NKAIN2: variants seen among roughly 807,000 people sequenced by gnomAD.
NKAIN2 encodes sodium/potassium-transporting ATPase subunit beta-1-interacting protein 2.
A neutral mutation model predicts 32.6 loss-of-function variants in NKAIN2; 14 were observed. That is an observed-to-expected ratio of 0.43 (90% CI 0.28 to 0.67). The LOEUF (loss-of-function observed/expected upper bound fraction) is 0.67. NKAIN2 is among the 30% of genes least tolerant of loss of function. The pLI, the probability that NKAIN2 is intolerant of heterozygous loss-of-function variation, is 0.17. For synonymous variants in NKAIN2, 80 were observed against 87.2 expected, an observed-to-expected ratio of 0.92 and a Z score of 0.46; for missense variants, 198 against 258.3, an observed-to-expected ratio of 0.77 and a Z score of 1.60.
At chr6:124,278,187 T>C (rs1795128123) in intron 1 of NKAIN2, among the ~76,000 whole-genome samples, 1 of 152,136 alleles carries the variant, frequency 6.6e-6, no homozygotes, top group African/African-American at 2.4e-5. Context: ...TAAAGTTGAA[T>C]AGCAATAGAT....
chr6:123,971,866 CT>C (rs1394581005), intron 1 of NKAIN2, among the ~76,000 whole-genome samples: 1 of 152,050 alleles, frequency 6.6e-6, no homozygotes, highest in East Asian at 1.9e-4. Flanking sequence ...TTAAAAAAGG[CT>C]TTTAAAGTTT....
At chr6:124,625,259 A>G (rs1783271638) in intron 3 of NKAIN2, among the ~76,000 whole-genome samples, 1 of 152,158 alleles carries the variant, frequency 6.6e-6, no homozygotes, top group South Asian at 2.1e-4. Flanking sequence ...TTTCTCTACA[A>G]AAAAAACAAA....
chr6:124,354,901 C>T lies in NKAIN2; in HGVS notation c.193-366C>T, dbSNP rs148064148. Among the ~76,000 whole-genome samples the T allele has an allele frequency of 6.8e-3, 1,011 of 148,932 alleles. 6 individuals are homozygous for T. Among genetic ancestry groups the T allele is most frequent in the Non-Finnish European group, 0.011 (770 of 67,420 alleles). On this transcript the variant is annotated intron_variant, in intron 2 of 6. Transcript: ENST00000368417. Reference sequence around the variant, plus strand: ...TCTGGCCAACATGACAAAACCCCATCCCTACTAAAAATACAAAAACTAGCT... The same window carrying T: ...TCTGGCCAACATGACAAAACCCCATTCCTACTAAAAATACAAAAACTAGCT...
intron 4 of NKAIN2, among the ~76,000 whole-genome samples, chr6:124,789,765 G>C (rs1779661487): frequency 6.6e-6 from 1 of 151,924 alleles, no homozygotes; most frequent in South Asian, 2.1e-4. Flanking sequence ...ATAAAGAAGT[G>C]GTTCTTACTA....
chr6:123,818,476 A>G (rs1055986812), intron 1 of NKAIN2, among the ~76,000 whole-genome samples: 1 of 152,042 alleles, frequency 6.6e-6, no homozygotes, highest in African/African-American at 2.4e-5. Context: ...CCCAAACCCA[A>G]GAAGGTTCTG....
At chr6:123,997,360 A>T (rs1299680798) in intron 1 of NKAIN2, among the ~76,000 whole-genome samples, 1 of 152,130 alleles carries the variant, frequency 6.6e-6, no homozygotes, top group Non-Finnish European at 1.5e-5. Context: ...ACCATGTGGT[A>T]GGAATCCAGA....
intron 3 of NKAIN2, among the ~76,000 whole-genome samples, chr6:124,431,849 A>C (rs966177804): frequency 2.9e-4 from 44 of 152,160 alleles, no homozygotes; most frequent in African/African-American, 9.9e-4. Flanking sequence ...TTATGTAAAG[A>C]GATATTTCCA....
chr6:124,274,760 C>T (rs1794948286), intron 1 of NKAIN2, among the ~76,000 whole-genome samples: 1 of 151,740 alleles, frequency 6.6e-6, no homozygotes, highest in East Asian at 1.9e-4. Flanking sequence ...TAATTATTAT[C>T]ACAGAATGCG....
At chr6:124,189,426 T>C (rs1017156852) in intron 1 of NKAIN2, among the ~76,000 whole-genome samples, 2 of 151,982 alleles carry the variant, frequency 1.3e-5, no homozygotes, top group Non-Finnish European at 2.9e-5. Flanking sequence ...GCAAGCCAGG[T>C]GCGGTGACTC....
At chr6:124,229,264 ATGGCTG>A (rs1267638646) in intron 1 of NKAIN2, among the ~76,000 whole-genome samples, 9 of 152,284 alleles carry the variant, frequency 5.9e-5, no homozygotes, top group Non-Finnish European at 1.0e-4. Flanking sequence ...GATGAATTTA[ATGGCTG>A]TGGCAGGTAG....
chr6:124,356,916 A>G (rs1273160441), intron 3 of NKAIN2, among the ~76,000 whole-genome samples: 1 of 152,200 alleles, frequency 6.6e-6, no homozygotes, highest in Non-Finnish European at 1.5e-5. Context: ...GATCCAGCAG[A>G]TCAGATAATT....
chr6:124,749,033 A>G (rs1777588390), intron 4 of NKAIN2, among the ~76,000 whole-genome samples: 1 of 151,870 alleles, frequency 6.6e-6, no homozygotes, highest in Admixed American at 6.6e-5. Context: ...TCTTTTCCAG[A>G]GGTTCTAGGA....
At chr6:124,141,795 C>T (rs922508536) in intron 1 of NKAIN2, among the ~76,000 whole-genome samples, 1 of 152,022 alleles carries the variant, frequency 6.6e-6, no homozygotes, top group African/African-American at 2.4e-5. Flanking sequence ...CACTCCAGTC[C>T]CCAATTTCAG....
At chr6:124,383,234 G>C (rs1184154759) in intron 3 of NKAIN2, among the ~76,000 whole-genome samples, 1 of 152,046 alleles carries the variant, frequency 6.6e-6, no homozygotes, top group Non-Finnish European at 1.5e-5. Flanking sequence ...ACAGTTGCTG[G>C]CTGACATCAA....
intron 1 of NKAIN2, among the ~76,000 whole-genome samples, chr6:123,943,608 A>G (rs1776923952): frequency 1.3e-5 from 2 of 152,034 alleles, no homozygotes; most frequent in African/African-American, 4.8e-5. Context: ...GTTGTTGGAA[A>G]GATTTTAGGA....
chr6:124,254,801 A>G (rs1407537786), intron 1 of NKAIN2, among the ~76,000 whole-genome samples: 1 of 152,216 alleles, frequency 6.6e-6, no homozygotes, highest in African/African-American at 2.4e-5. Flanking sequence ...TGCTTTAACA[A>G]CAGCAACAAA....
rs188027639 is a variant in NKAIN2, at chr6:124,321,551, A to T, written c.193-33716A>T. On this transcript the variant is annotated intron_variant, in intron 2 of 6. Transcript: ENST00000368417. The stretch of plus-strand genomic sequence containing the variant: ...GTGGCTAATGGAAGGAACCTCTTTT[A>T]TATTCCTAGTATCATAATTTTACAT... 2.8e-4 allele frequency among the ~76,000 whole-genome samples: 43 copies of T among 152,306 alleles called. No individual in the cohort carries two copies. The East Asian group carries it at 6.7e-3, about 24-fold the overall frequency.
At chr6:123,920,461 CA>C (rs1775700084) in intron 1 of NKAIN2, among the ~76,000 whole-genome samples, 1 of 151,676 alleles carries the variant, frequency 6.6e-6, no homozygotes, top group Non-Finnish European at 1.5e-5. Context: ...TTCAGAAGCA[CA>C]AAAACCTAGG....
intron 1 of NKAIN2, among the ~76,000 whole-genome samples, chr6:124,150,079 T>G (rs191631507): frequency 6.6e-6 from 1 of 152,254 alleles, no homozygotes; most frequent in Admixed American, 6.5e-5. Context: ...GCGCTCTGCC[T>G]CAGGGTTATA....
Sources: allele counts gnomAD v4.1 joint callset (sites outside exome capture counted in the v4.1 genomes callset), GRCh38; gene constraint gnomAD v4.1.1; transcripts MANE v1.5; gene names NCBI Gene and HGNC (gene_info 2026-07-23, HGNC 2026-07-21).